Variants in MYD88 observed in about 807,000 individuals in gnomAD.
The protein encoded by MYD88 is myeloid differentiation primary response protein MyD88.
Under a neutral mutation model 31.1 loss-of-function variants are expected in MYD88, and 15 were observed. The observed-to-expected ratio is 0.48, with a 90% CI of 0.32 to 0.74. The LOEUF is 0.74. Among genes scored for constraint, MYD88 ranks in the 30% least tolerant of loss-of-function variants. The pLI is 0.03. For missense variants in MYD88, 308 were observed against 387.4 expected (o/e 0.79, Z 1.72); for synonymous variants, 157 against 158.8 (o/e 0.99, Z 0.08).
At position 38,139,634 on chromosome 3, in the gene MYD88, C is replaced by T. The variant is rs1381230799; in HGVS notation, c.329-230C>T. The T allele has an allele frequency of 5.1e-6, 3 of 585,544 alleles. No homozygotes were observed. In the Admixed American group the frequency reaches 8.4e-5, roughly 16 times the overall value. 36.3% of individuals were successfully genotyped at this position (585,544 alleles called of 1,614,324 possible). A position where few individuals can be genotyped will look rare whatever the true frequency, so the allele number is the denominator to read the frequency against. On this transcript the variant is annotated intron_variant, in intron 1 of 4. Transcript: ENST00000650905. This position sits in a 1 kb window ranked among gnomAD's most constrained non-coding sequence, Gnocchi z 4.7. ...GGAAGGGACAGAGATACAAACCTGA[C>T]TTTGATGGCCTTCCAGAAAGCCAGA...
At position 38,139,256 on chromosome 3, in the gene MYD88, T is replaced by C; in HGVS notation, c.328+228T>C. ...AGGCGGAGATGGGAAGGAAGCAGCT[T>C]AGGCAGAGGCTTTCAGGTAGGGCCA... is the stretch of plus-strand genomic sequence containing the variant. On this transcript the variant is annotated intron_variant, in intron 1 of 4. Transcript: ENST00000650905. The surrounding 1 kb of genome is among the most constrained non-coding windows in gnomAD (Gnocchi z 4.7). The C allele has an allele frequency of 1.6e-6, 1 of 626,400 alleles. No individual in the cohort carries two copies. The highest frequency in any genetic ancestry group is 2.7e-6 in the Non-Finnish European group (1 of 367,476). 38.8% of individuals were successfully genotyped at this position (626,400 alleles called of 1,614,324 possible).
intron 2 of MYD88, 63 bp downstream of exon 2, chr3:38,140,061 G>T: frequency 6.3e-7 from 1 of 1,595,694 alleles, no homozygotes; most frequent in South Asian, 1.1e-5. Context: ...TTAAGAGCAT[G>T]GGTGTTTGAA....
chr3:38,140,238 T>C, intron 2 of MYD88, 150 bp from the exon 3 acceptor site: 1 of 1,019,992 alleles, frequency 9.8e-7, no homozygotes, highest in Non-Finnish European at 1.5e-6. Flanking sequence ...GGTACTCATC[T>C]TTCCTCTCCT....
chr3:38,138,861 T>A lies in MYD88; in HGVS notation c.161T>A (p.Met54Lys). 6.2e-7 allele frequency: 1 copy of A among 1,613,786 alleles called. No individual in the cohort carries two copies. ...AADWTALAEE[M>K]DFEYLEIRQL... ...GACTGGACCGCGCTGGCGGAGGAGA[T>A]GGACTTTGAGTACTTGGAGATCCGG... The change falls in exon 1 of 5, where the codon ATG (methionine) becomes AAG (lysine). Residue 54 changes from methionine (M) to lysine (K), a missense_variant. Coordinates refer to ENST00000650905, the MANE Select transcript of MYD88 (RefSeq NM_002468.5). This position sits in a 1 kb window ranked among gnomAD's most constrained non-coding sequence, Gnocchi z 6.4.
chr3:38,139,159 G>A lies in MYD88; in HGVS notation c.328+131G>A. 1 of 1,241,232 alleles carries A rather than the reference G, an allele frequency of 8.1e-7. No individual in the cohort carries two copies. The highest frequency in any genetic ancestry group is 1.1e-6 in the Non-Finnish European group (1 of 920,284). 76.9% of individuals were successfully genotyped at this position (1,241,232 alleles called of 1,614,324 possible). ...GGGCCCGAAGAAGCCTGCAGAGGGA[G>A]AACCATGCGGGTCCCGTTCCTTCTT... On this transcript the variant is annotated intron_variant, in intron 1 of 4. Coordinates refer to ENST00000650905, the MANE Select transcript of MYD88 (RefSeq NM_002468.5). The surrounding 1 kb of genome is among the most constrained non-coding windows in gnomAD (Gnocchi z 4.7).
At position 38,139,330 on chromosome 3, in the gene MYD88, A is replaced by G; in HGVS notation, c.328+302A>G. On this transcript the variant is annotated intron_variant, in intron 1 of 4. Transcript: ENST00000650905. The surrounding 1 kb of genome is among the most constrained non-coding windows in gnomAD (Gnocchi z 4.7). Reference sequence around the variant, plus strand: ...GGGGCATCTGGGCTGTTTCAAGTAGAGCAACAGGACAGGTGGGGCGATTGA... The same window carrying G: ...GGGGCATCTGGGCTGTTTCAAGTAGGGCAACAGGACAGGTGGGGCGATTGA... The G allele has an allele frequency of 1.9e-6, 1 of 513,520 alleles. No homozygotes were observed. Among genetic ancestry groups the G allele is most frequent in the Non-Finnish European group, 3.5e-6 (1 of 286,890 alleles). 31.8% of individuals were successfully genotyped at this position (513,520 alleles called of 1,614,324 possible). A position where few individuals can be genotyped will look rare whatever the true frequency, so the allele number is the denominator to read the frequency against.
At chr3:38,140,352 G>T in intron 2 of MYD88, 36 bp from the exon 3 acceptor site, 1 of 1,611,608 alleles carries the variant, frequency 6.2e-7, no homozygotes, top group South Asian at 1.1e-5. Flanking sequence ...GCCTTCCCAT[G>T]GAGCTCTGAC....
At chr3:38,140,032 G>A (rs2125777941) in intron 2 of MYD88, 34 bp downstream of exon 2, 1 of 1,610,682 alleles carries the variant, frequency 6.2e-7, no homozygotes, top group East Asian at 2.2e-5. Context: ...TGGGACAGGT[G>A]GAATAGGACA....
chr3:38,139,579 C>T lies in MYD88; in HGVS notation c.329-285C>T. ...TGCCCTGGATCCCAGAAGAAGCAGA[C>T]CTACCTTGGTACCATTCTTAGGATC... On this transcript the variant is annotated intron_variant, in intron 1 of 4. Coordinates refer to ENST00000650905, the MANE Select transcript of MYD88 (RefSeq NM_002468.5). This position sits in a 1 kb window ranked among gnomAD's most constrained non-coding sequence, Gnocchi z 4.7. The T allele has an allele frequency of 2.0e-6, 1 of 494,854 alleles. No homozygotes were observed. The highest frequency in any genetic ancestry group is 3.7e-6 in the Non-Finnish European group (1 of 271,006). The allele number at this position is 494,854 out of a possible 1,614,324, so 30.7% of individuals were successfully genotyped here.
chr3:38,140,623 G>A, intron 3 of MYD88, 55 bp downstream of exon 3: 2 of 1,610,574 alleles, frequency 1.2e-6, no homozygotes, highest in Non-Finnish European at 1.7e-6. Flanking sequence ...CTGCCCTGGG[G>A]TCCAGATACT....
At position 38,142,837 on chromosome 3, in the gene MYD88, G is replaced by A. The variant is rs1443387276; in HGVS notation, c.*1551G>A. On this transcript the variant is annotated 3_prime_UTR_variant, in exon 5 of 5. Transcript: ENST00000650905. The stretch of plus-strand genomic sequence containing the variant: ...TCTTGTTGAGGCATTTAGCTGCCAT[G>A]CACCTGTCCCCCTTTAATACTGGGC... The A allele has an allele frequency of 4.3e-6, 1 of 233,290 alleles. No individual in the cohort carries two copies. 14.5% of individuals were successfully genotyped at this position (233,290 alleles called of 1,614,324 possible).
rs770387646 is a variant in MYD88, at chr3:38,138,815, G to A, written c.115G>A (p.Val39Met). 45 of 1,613,630 alleles carry A rather than the reference G, an allele frequency of 2.8e-5. No homozygotes were observed. Among genetic ancestry groups the A allele is most frequent in the Non-Finnish European group, 3.6e-5 (43 of 1,180,016 alleles). ...GCGCCGCCTGTCTCTGTTCTTGAACGTGCGGACACAGGTGGCGGCCGACTG... is the reference window on the plus strand; with the variant it reads ...GCGCCGCCTGTCTCTGTTCTTGAACATGCGGACACAGGTGGCGGCCGACTG... ...VRRRLSLFLN[V>M]RTQVAADWTA... The change falls in exon 1 of 5, where the codon GTG becomes ATG. Residue 39 changes from valine to methionine, a missense_variant. Coordinates refer to ENST00000650905, the MANE Select transcript of MYD88 (RefSeq NM_002468.5). The surrounding 1 kb of genome is among the most constrained non-coding windows in gnomAD (Gnocchi z 6.4).
chr3:38,138,763 C>T lies in MYD88; in HGVS notation c.63C>T (p.Pro21=), dbSNP rs531199268. 1.9e-5 allele frequency: 30 copies of T among 1,612,858 alleles called. No homozygotes were observed. In the African/African-American group the frequency reaches 3.7e-4, roughly 20 times the overall value. ...AAPVSSTSSL[P]LAALNMRVRR... ...CGGTCTCCTCCACATCCTCCCTTCC[C>T]CTGGCTGCTCTCAACATGCGAGTGC... The change falls in exon 1 of 5, where the codon CCC becomes CCT. Residue 21 remains proline (P), a synonymous_variant. Transcript: ENST00000650905. This position sits in a 1 kb window ranked among gnomAD's most constrained non-coding sequence, Gnocchi z 6.4.
Position 38,141,123 on chromosome 3 carries a change from G to T in MYD88, c.737-9G>T, listed in dbSNP as rs751069957. On this transcript the variant is annotated splice_polypyrimidine_tract_variant and intron_variant, in intron 4 of 4. Coordinates refer to ENST00000650905, the MANE Select transcript of MYD88 (RefSeq NM_002468.5). Reference sequence around the variant, plus strand: ...GCCTGATGCCAGCATGGCACCCCTTGGCTTGCAGGTGCCCATCAGAAGCGA... The same window carrying T: ...GCCTGATGCCAGCATGGCACCCCTTTGCTTGCAGGTGCCCATCAGAAGCGA... 6.2e-6 allele frequency: 10 copies of T among 1,614,098 alleles called. No individual in the cohort carries two copies. In the Admixed American group the frequency reaches 1.7e-4, roughly 27 times the overall value.
intron 2 of MYD88, 142 bp downstream of exon 2, chr3:38,140,140 A>G: frequency 8.9e-7 from 1 of 1,124,718 alleles, no homozygotes; most frequent in Non-Finnish European, 1.3e-6. Context: ...CACCTAAGAA[A>G]TGGAGATAAT....
At position 38,139,024 on chromosome 3, in the gene MYD88, C is replaced by T. The variant is rs2125776198; in HGVS notation, c.324C>T (p.Ser108=). 6.2e-7 allele frequency: 1 copy of T among 1,603,294 alleles called. No homozygotes were observed. The highest frequency in any genetic ancestry group is 1.3e-5 in the African/African-American group (1 of 75,046). Residue 108 remains serine, a synonymous_variant, in exon 1 of 5, where the codon AGC becomes AGT. Coordinates refer to ENST00000650905, the MANE Select transcript of MYD88 (RefSeq NM_002468.5). This position sits in a 1 kb window ranked among gnomAD's most constrained non-coding sequence, Gnocchi z 4.7. ...ACGTGCTGCTGGAGCTGGGACCCAG[C>T]ATTGGTGAGGACGTCCCCTTCCTGG... is the stretch of plus-strand genomic sequence containing the variant. ...RDDVLLELGP[S]IEEDCQKYIL... is the part of the protein sequence containing the mutation.
In MYD88 at chr3:38,138,961, C is replaced by G. The variant is rs373382593; in HGVS notation, c.261C>G (p.Gly87=). The change falls in exon 1 of 5, where the codon GGC becomes GGG. Residue 87 remains glycine, a synonymous_variant. Coordinates refer to ENST00000650905, the MANE Select transcript of MYD88 (RefSeq NM_002468.5). The surrounding 1 kb of genome is among the most constrained non-coding windows in gnomAD (Gnocchi z 6.4). ...AGGGACGCCCTGGCGCCTCTGTAGG[C>G]CGACTGCTCGAGCTGCTTACCAAGC... The part of the protein sequence containing the change: ...AWQGRPGASV[G]RLLELLTKLG... 1 of 1,609,670 alleles carries G rather than the reference C, an allele frequency of 6.2e-7. No homozygotes were observed. The highest frequency in any genetic ancestry group is 8.5e-7 in the Non-Finnish European group (1 of 1,180,006).
chr3:38,141,039 G>C, intron 4 of MYD88, 93 bp from the exon 5 acceptor site: 1 of 1,561,054 alleles, frequency 6.4e-7, no homozygotes, highest in African/African-American at 1.4e-5. Context: ...ACTTAGATGG[G>C]GGATGGCTGT....
chr3:38,142,219 T>C lies in MYD88; in HGVS notation c.*933T>C, dbSNP rs1701096984. ...ACCTTGATTGCCTTACAAAGTTATT[T>C]GTTTACAAACAGCGACCATATAAAA... On this transcript the variant is annotated 3_prime_UTR_variant, in exon 5 of 5. Transcript: ENST00000650905. 1 of 233,208 alleles carries C rather than the reference T, an allele frequency of 4.3e-6. No homozygotes were observed. Among genetic ancestry groups the C allele is most frequent in the Non-Finnish European group, 8.5e-6 (1 of 118,088 alleles). 14.4% of individuals were successfully genotyped at this position (233,208 alleles called of 1,614,324 possible). A position where few individuals can be genotyped will look rare whatever the true frequency, so the allele number is the denominator to read the frequency against.
Sources: gnomAD v4.1 joint callset for allele counts on GRCh38, gnomAD v4.1.1 for gene constraint, Gnocchi (gnomAD v3.1) non-coding constraint, MANE v1.5 for transcripts, NCBI Gene and HGNC (gene_info 2026-07-23, HGNC 2026-07-21) for gene names.